The following RIMS2 variants were observed in gnomAD, a reference collection of about 807,000 sequenced individuals.
The protein encoded by RIMS2 is regulating synaptic membrane exocytosis 2.
Under a neutral mutation model 174.4 loss-of-function variants are expected in RIMS2, and 59 were observed. That is an observed-to-expected ratio of 0.34 (90% CI 0.27 to 0.42). The LOEUF (loss-of-function observed/expected upper bound fraction) is 0.42. Ranked by LOEUF, RIMS2 falls within the 10% of genes least tolerant of loss-of-function variation. The pLI, the probability that RIMS2 is intolerant of heterozygous loss-of-function variation, is 1.00. For synonymous variants in RIMS2, 606 were observed against 572.5 expected (o/e 1.06, Z -0.84); for missense variants, 1,620 against 1,666.3 (o/e 0.97, Z 0.48).
At chr8:103,964,860 A>G (rs111227251) in intron 15 of RIMS2, among the ~76,000 whole-genome samples, 29 of 149,414 alleles carry the variant, frequency 1.9e-4, no homozygotes, top group African/African-American at 6.0e-4. Context: ...TAGGTTCCCT[A>G]TTTTGCATGT....
chr8:103,518,591 T>G (rs963894778), intron 1 of RIMS2, among the ~76,000 whole-genome samples: 5 of 151,944 alleles, frequency 3.3e-5, no homozygotes, highest in African/African-American at 1.2e-4. Flanking sequence ...TTTATATTAA[T>G]TTTATATTGC....
chr8:104,177,015 A>G (rs376807388), intron 19 of RIMS2, among the ~76,000 whole-genome samples: 1 of 152,288 alleles, frequency 6.6e-6, no homozygotes, highest in Admixed American at 6.5e-5. Context: ...TATAGATCAC[A>G]TCAATGGGTT....
chr8:104,075,898 C>G (rs11991639), intron 19 of RIMS2, among the ~76,000 whole-genome samples: 1 of 152,028 alleles, frequency 6.6e-6, no homozygotes, highest in African/African-American at 2.4e-5. Flanking sequence ...GACCAAGTAT[C>G]GCACACTTTT....
At position 103,766,640 on chromosome 8, in the gene RIMS2, A is replaced by G. The variant is rs972192856; in HGVS notation, c.698+103A>G. 8 of 745,678 alleles carry G rather than the reference A, an allele frequency of 1.1e-5. No individual in the cohort carries two copies. The African/African-American group carries it at 1.4e-4, about 13-fold the overall frequency. The allele number at this position is 745,678 out of a possible 1,614,324, so 46.2% of individuals were successfully genotyped here. A position where few individuals can be genotyped will look rare whatever the true frequency, so the allele number is the denominator to read the frequency against. ...TGTTTAGGCAATGGTGAGTTGTCTA[A>G]GTAATGTAAACATTCATATGTTTTA... On this transcript the variant is annotated intron_variant, in intron 3 of 23. Coordinates refer to ENST00000504942, the Ensembl canonical transcript of RIMS2.
chr8:103,531,524 C>T (rs111724900), intron 1 of RIMS2, among the ~76,000 whole-genome samples: 160 of 152,222 alleles, frequency 1.1e-3, no homozygotes, highest in African/African-American at 3.3e-3. Flanking sequence ...GGGAGCTCTG[C>T]GTGCCCACAC....
At chr8:103,711,204 T>G (rs2097299297) in intron 2 of RIMS2, among the ~76,000 whole-genome samples, 1 of 152,228 alleles carries the variant, frequency 6.6e-6, no homozygotes, top group African/African-American at 2.4e-5. Context: ...CTAGCTTTTA[T>G]GTAGTACATT....
chr8:103,511,770 T>C (rs1826537299), intron 1 of RIMS2, among the ~76,000 whole-genome samples: 1 of 152,216 alleles, frequency 6.6e-6, no homozygotes, highest in African/African-American at 2.4e-5. Context: ...ATAGAAACTA[T>C]AATAGTAATT....
intron 19 of RIMS2, among the ~76,000 whole-genome samples, chr8:104,191,798 T>C (rs1457135171): frequency 2.0e-5 from 3 of 152,070 alleles, no homozygotes; most frequent in African/African-American, 7.2e-5. Context: ...TAAGACGGGG[T>C]CTCACTATGT....
At chr8:103,891,560 G>A (rs994972093) in intron 4 of RIMS2, among the ~76,000 whole-genome samples, 2 of 152,030 alleles carry the variant, frequency 1.3e-5, no homozygotes, top group South Asian at 2.1e-4. Context: ...TTTAAGTTGA[G>A]GTCTGTTGTG....
chr8:103,958,856 G>A (rs2088670809), intron 14 of RIMS2, among the ~76,000 whole-genome samples: 1 of 152,160 alleles, frequency 6.6e-6, no homozygotes, highest in African/African-American at 2.4e-5. Flanking sequence ...CAAAGACCAC[G>A]AAGAGGAGCT....
intron 3 of RIMS2, among the ~76,000 whole-genome samples, chr8:103,831,508 C>T (rs139598367): frequency 2.0e-5 from 3 of 152,272 alleles, no homozygotes; most frequent in Non-Finnish European, 2.9e-5. Flanking sequence ...GCACTGACCT[C>T]GGCCAATTGG....
intron 19 of RIMS2, among the ~76,000 whole-genome samples, chr8:104,192,638 T>C (rs1232310501): frequency 6.6e-6 from 1 of 152,152 alleles, no homozygotes; most frequent in African/African-American, 2.4e-5. Context: ...ATGTAAGAAC[T>C]TGTCTTTCTG....
Position 104,177,979 on chromosome 8 carries a change from C to T in RIMS2, c.3335-66937C>T, listed in dbSNP as rs2098915327. Among the ~76,000 whole-genome samples the T allele has an allele frequency of 2.0e-5, 3 of 152,054 alleles. No homozygotes were observed. The South Asian group carries it at 6.2e-4, about 32-fold the overall frequency. ...TAAAGAACTCTAATGATGGTGTCTA[C>T]CATATGGAAGCAGACAAGAAATGAG... On this transcript the variant is annotated intron_variant, in intron 19 of 23. Coordinates refer to ENST00000504942, the Ensembl canonical transcript of RIMS2.
chr8:104,049,108 T>G (rs1175641104), intron 19 of RIMS2, among the ~76,000 whole-genome samples: 1 of 148,710 alleles, frequency 6.7e-6, no homozygotes, highest in Non-Finnish European at 1.5e-5. Flanking sequence ...CAAGACAAAT[T>G]ACTTCTAGAT....
At chr8:103,538,524 TC>T (rs1484657330) in intron 1 of RIMS2, among the ~76,000 whole-genome samples, 7 of 145,734 alleles carry the variant, frequency 4.8e-5, no homozygotes, top group Admixed American at 4.1e-4. Context: ...ATTGTATCAT[TC>T]TTTTTTTTGG....
intron 1 of RIMS2, among the ~76,000 whole-genome samples, chr8:103,630,302 T>C (rs2135159484): frequency 6.6e-6 from 1 of 152,248 alleles, no homozygotes; most frequent in African/African-American, 2.4e-5. Context: ...GTTACATTTT[T>C]TGAAATGCTG....
chr8:103,900,715 C>T (rs1480352503), intron 4 of RIMS2, among the ~76,000 whole-genome samples: 1 of 152,070 alleles, frequency 6.6e-6, no homozygotes, highest in African/African-American at 2.4e-5. Flanking sequence ...TGGGTTATTT[C>T]CTTTCCTGTG....
intron 3 of RIMS2, among the ~76,000 whole-genome samples, chr8:103,854,001 G>T (rs985075149): frequency 6.6e-6 from 1 of 151,900 alleles, no homozygotes; most frequent in African/African-American, 2.4e-5. Flanking sequence ...TAACAATATT[G>T]ATTCTTGCAA....
intron 19 of RIMS2, among the ~76,000 whole-genome samples, chr8:104,102,331 G>A (rs1471316868): frequency 6.6e-6 from 1 of 152,070 alleles, no homozygotes; most frequent in Non-Finnish European, 1.5e-5. Context: ...AGAAACCTGG[G>A]CATCACTCTT....
Sources: gnomAD v4.1 joint callset for allele counts (sites outside exome capture counted in the v4.1 genomes callset) on GRCh38, gnomAD v4.1.1 for gene constraint, MANE v1.5 for transcripts, NCBI Gene and HGNC (gene_info 2026-07-23, HGNC 2026-07-21) for gene names.